GFRA1: variants seen among roughly 807,000 people sequenced by gnomAD.
GFRA1 encodes the protein GDNF family receptor alpha 1, also known as GDNF family receptor alpha-1.
Under a neutral mutation model 51.6 loss-of-function variants are expected in GFRA1, and 16 were observed. The observed-to-expected ratio is 0.31, with a 90% confidence interval of 0.21 to 0.47. The LOEUF (loss-of-function observed/expected upper bound fraction) is 0.47, where lower values mean the gene tolerates loss of function less well. Among genes scored for constraint, GFRA1 ranks in the 20% least tolerant of loss-of-function variants. The pLI, the probability that GFRA1 is intolerant of heterozygous loss-of-function variation, is 1.00. For missense variants in GFRA1, 530 were observed against 594.3 expected (o/e 0.89, Z 1.13); for synonymous variants, 270 against 241.3 (o/e 1.12, Z -1.10).
chr10:116,172,913 A>G (rs777238302), intron 5 of GFRA1, among the ~76,000 whole-genome samples: 11 of 152,218 alleles, frequency 7.2e-5, no homozygotes, highest in Non-Finnish European at 1.5e-4. Flanking sequence ...TCAGAAGCCA[A>G]GAGCCCCTTG....
intron 6 of GFRA1, among the ~76,000 whole-genome samples, chr10:116,097,924 G>A (rs993822442): frequency 2.0e-5 from 3 of 152,216 alleles, no homozygotes; most frequent in Non-Finnish European, 4.4e-5. Flanking sequence ...AGGTTTCTAA[G>A]GAAGCGCATT....
intron 6 of GFRA1, among the ~76,000 whole-genome samples, chr10:116,115,610 G>T (rs771335069): frequency 1.3e-5 from 2 of 152,110 alleles, no homozygotes; most frequent in Non-Finnish European, 2.9e-5. Flanking sequence ...ATTTCCCCAC[G>T]CGAAGATGAG....
chr10:116,208,432 T>A (rs1376196793), intron 5 of GFRA1, among the ~76,000 whole-genome samples: 1 of 152,148 alleles, frequency 6.6e-6, no homozygotes, highest in East Asian at 1.9e-4. Context: ...CCTGCGCACA[T>A]GTACTGGCTG....
chr10:116,087,244 C>T (rs1304876349), intron 9 of GFRA1, among the ~76,000 whole-genome samples: 2 of 141,476 alleles, frequency 1.4e-5, no homozygotes, highest in Admixed American at 7.3e-5. Context: ...CACTGTACCA[C>T]GGGGAGCCCA....
intron 6 of GFRA1, among the ~76,000 whole-genome samples, chr10:116,123,741 T>G (rs1426477768): frequency 2.6e-5 from 4 of 152,170 alleles, no homozygotes; most frequent in Admixed American, 6.5e-5. Context: ...ATACCCCAAA[T>G]CTACCTGCTT....
At chr10:116,091,239 GA>G (rs1368770199) in intron 8 of GFRA1, among the ~76,000 whole-genome samples, 2 of 152,216 alleles carry the variant, frequency 1.3e-5, no homozygotes, top group Non-Finnish European at 2.9e-5. Flanking sequence ...AATGTTAATA[GA>G]ATATCTACTA....
chr10:116,121,702 T>A (rs1425025318), intron 6 of GFRA1, among the ~76,000 whole-genome samples: 1 of 152,222 alleles, frequency 6.6e-6, no homozygotes, highest in Non-Finnish European at 1.5e-5. Flanking sequence ...TCGAAGAATA[T>A]GGTTTTTAGG....
At chr10:116,080,317 T>C (rs1480696731) in intron 9 of GFRA1, among the ~76,000 whole-genome samples, 1 of 152,164 alleles carries the variant, frequency 6.6e-6, no homozygotes, top group Non-Finnish European at 1.5e-5. Flanking sequence ...CAAAGTTTAA[T>C]GGCTACTAAG....
chr10:116,187,312 T>A (rs746162142), intron 5 of GFRA1, among the ~76,000 whole-genome samples: 1 of 152,178 alleles, frequency 6.6e-6, no homozygotes, highest in Non-Finnish European at 1.5e-5. Flanking sequence ...TAAGCTCCAG[T>A]GTCTGCTCGG....
rs1954935194 is a variant in GFRA1 at position 116,063,712 on chromosome 10, C to T, written c.*686G>A. On this transcript the variant is annotated 3_prime_UTR_variant, in exon 11 of 11. Coordinates refer to ENST00000355422, the MANE Select transcript of GFRA1 (RefSeq NM_005264.8). ...AGGTATTGAATCGGCACACTCATTC[C>T]CCACTCTCTATTTTGACGAAAAGAC... is the stretch of plus-strand genomic sequence containing the variant. The T allele has an allele frequency of 6.6e-6, 1 of 152,294 alleles. No individual in the cohort carries two copies. The highest frequency in any genetic ancestry group is 2.1e-4 in the South Asian group (1 of 4,822). 9.4% of individuals were successfully genotyped at this position (152,294 alleles called of 1,614,324 possible).
chr10:116,095,225 GA>G (rs1367882961), intron 7 of GFRA1, among the ~76,000 whole-genome samples: 2 of 152,044 alleles, frequency 1.3e-5, no homozygotes, highest in Admixed American at 6.5e-5. Flanking sequence ...GAGGAGCTTG[GA>G]AAAAAACTGC....
chr10:116,103,807 T>G (rs893564312), intron 6 of GFRA1, among the ~76,000 whole-genome samples: 43 of 152,246 alleles, frequency 2.8e-4, no homozygotes, highest in African/African-American at 9.9e-4. Flanking sequence ...CTATTCTCCC[T>G]CAGTCTGCTG....
Position 116,162,149 on chromosome 10 carries a change from GAATCTAAACGGCACC to G in GFRA1, c.434-36607_434-36593del, listed in dbSNP as rs144291001. 7.9e-3 allele frequency among the ~76,000 whole-genome samples: 1,204 copies of G among 152,286 alleles called. 20 individuals are homozygous for G. Among genetic ancestry groups the G allele is most frequent in the African/African-American group, 0.027 (1,138 of 41,546 alleles). On this transcript the variant is annotated intron_variant, in intron 5 of 10. Transcript: ENST00000355422. ...ATATCATGTTTCATCAGCTCTCCCA[GAATCTAAACGGCACC>G]AAGACTGGGTTCACCAGCAGTAGTT...
intron 10 of GFRA1, among the ~76,000 whole-genome samples, chr10:116,065,339 C>G (rs1955053164): frequency 6.6e-6 from 1 of 152,190 alleles, no homozygotes; most frequent in African/African-American, 2.4e-5. Flanking sequence ...CCCTGGAACA[C>G]TTGTATTAAT....
intron 6 of GFRA1, among the ~76,000 whole-genome samples, chr10:116,122,155 G>C (rs573419794): frequency 4.6e-5 from 7 of 152,130 alleles, no homozygotes; most frequent in African/African-American, 1.2e-4. Context: ...ATCACACTGA[G>C]ACAAATTTCA....
intron 4 of GFRA1, among the ~76,000 whole-genome samples, chr10:116,216,990 C>T (rs867442419): frequency 2.0e-5 from 3 of 152,152 alleles, no homozygotes; most frequent in East Asian, 1.9e-4. Flanking sequence ...AGAATTCAGT[C>T]GGTACATTTC....
chr10:116,132,363 T>C (rs928554777), intron 5 of GFRA1, among the ~76,000 whole-genome samples: 9 of 152,232 alleles, frequency 5.9e-5, no homozygotes, highest in Non-Finnish European at 8.8e-5. Context: ...TGGGCGCTCA[T>C]ACAGCACATT....
At chr10:116,155,460 C>A (rs1959182130) in intron 5 of GFRA1, among the ~76,000 whole-genome samples, 1 of 152,164 alleles carries the variant, frequency 6.6e-6, no homozygotes, top group African/African-American at 2.4e-5. Context: ...CTGCAAGTCA[C>A]CTGCAAGCAG....
At position 116,259,982 on chromosome 10, in the gene GFRA1, G is replaced by A. The variant is rs145545422; in HGVS notation, c.418+9521C>T. On this transcript the variant is annotated intron_variant, in intron 4 of 10. Transcript: ENST00000355422. ...GACACAAGGTAGGGGCTTCCCCAGC[G>A]GGACTCCTCTTTGCTCACTCACCTC... 1.1e-3 allele frequency among the ~76,000 whole-genome samples: 166 copies of A among 152,242 alleles called. 1 individual carries two copies. Among genetic ancestry groups the A allele is most frequent in the African/African-American group, 3.9e-3 (163 of 41,548 alleles).
Sources: allele counts gnomAD v4.1 joint callset (sites outside exome capture counted in the v4.1 genomes callset), GRCh38; gene constraint gnomAD v4.1.1; transcripts MANE v1.5; gene names NCBI Gene and HGNC (gene_info 2026-07-23, HGNC 2026-07-21).